ZNF69: variants seen among roughly 807,000 people sequenced by gnomAD.
The protein encoded by ZNF69 is zinc finger protein 69.
In ZNF69, 47 loss-of-function variants were observed where a neutral mutation model predicts 50.9. The observed-to-expected ratio is 0.92, with a 90% CI of 0.73 to 1.18. The LOEUF (loss-of-function observed/expected upper bound fraction) is 1.18, where lower values mean the gene tolerates loss of function less well. Among genes scored for constraint, ZNF69 ranks in the 50% most tolerant of loss-of-function variants. The pLI, the probability that ZNF69 is intolerant of heterozygous loss-of-function variation, is 0.00. For missense variants in ZNF69, 717 were observed against 675.1 expected, an observed-to-expected ratio of 1.06 and a Z score of -0.69; for synonymous variants, 216 against 223.1, an observed-to-expected ratio of 0.97 and a Z score of 0.29.
At chr19:11,948,321 T>C in the ZNF69 span, 1 of 1,613,802 alleles carries the variant, frequency 6.2e-7, no homozygotes, top group Non-Finnish European at 8.5e-7. Context: ...AAGACAGTCA[T>C]TGTGGAGAAA....
At chr19:11,979,542 A>T in the ZNF69 span, 4 of 1,603,606 alleles carry the variant, frequency 2.5e-6, no homozygotes, top group Non-Finnish European at 3.4e-6. Flanking sequence ...GAGAAACCCT[A>T]TGAATGCAAG....
At chr19:11,965,245 G>C in the ZNF69 span, 103,711 of 1,613,488 alleles carry the variant, frequency 0.064, 6,003 homozygotes, top group African/African-American at 0.32. Flanking sequence ...CCGAGACGGG[G>C]TAGAGGCTGC....
the ZNF69 span, among the ~76,000 whole-genome samples, chr19:11,975,098 T>C: frequency 3.3e-3 from 485 of 147,204 alleles, no homozygotes; most frequent in Non-Finnish European, 5.8e-3. Context: ...TGTTATTTTC[T>C]TTTTTTTTTT....
the ZNF69 span, among the ~76,000 whole-genome samples, chr19:11,923,751 A>G: frequency 6.6e-6 from 1 of 152,302 alleles, no homozygotes; most frequent in African/African-American, 2.4e-5. Flanking sequence ...TTATTTACAC[A>G]ATGGGATTGA....
At chr19:11,947,165 A>C in the ZNF69 span, 1 of 1,612,668 alleles carries the variant, frequency 6.2e-7, no homozygotes, top group African/African-American at 1.3e-5. Context: ...TCCTCTACAC[A>C]TGTGAGATGT....
chr19:11,914,745 T>TTG (rs1202082969), downstream of ZNF69, among the ~76,000 whole-genome samples: 1 of 152,192 alleles, frequency 6.6e-6, no homozygotes, highest in African/African-American at 2.4e-5. Flanking sequence ...TAAAACTCCC[T>TTG]AAGATCAAAA....
chr19:11,922,404 G>C, the ZNF69 span, among the ~76,000 whole-genome samples: 1 of 152,164 alleles, frequency 6.6e-6, no homozygotes, highest in Admixed American at 6.5e-5. Context: ...TGAATCGTCT[G>C]AGCCAGTGCG....
At chr19:11,959,177 G>A in the ZNF69 span, among the ~76,000 whole-genome samples, 12 of 152,182 alleles carry the variant, frequency 7.9e-5, no homozygotes, top group African/African-American at 2.9e-4. Flanking sequence ...ATGAGCCATT[G>A]CACCTGGCCA....
rs1972320028 is a variant in ZNF69, at chr19:11,904,581, G to A, written c.252-68G>A. 1.2e-5 allele frequency: 18 copies of A among 1,563,410 alleles called. 1 individual carries two copies. In the South Asian group the frequency reaches 1.6e-4, roughly 14 times the overall value. On this transcript the variant is annotated intron_variant, in intron 3 of 3. Coordinates refer to ENST00000429654, the MANE Select transcript of ZNF69 (RefSeq NM_001364730.1). The stretch of plus-strand genomic sequence containing the variant: ...GGACAGTGTTAAAAATGCAAGTTCA[G>A]TACTTGTTGATTAATATAAAATTAC...
At chr19:11,910,675 GA>G (rs1427465411), downstream of ZNF69, among the ~76,000 whole-genome samples, 1 of 152,162 alleles carries the variant, frequency 6.6e-6, no homozygotes, top group Non-Finnish European at 1.5e-5. Context: ...TTAAATTCCA[GA>G]TGGATTAAAG....
chr19:11,974,555 A>G, the ZNF69 span, among the ~76,000 whole-genome samples: 1 of 146,418 alleles, frequency 6.8e-6, no homozygotes, highest in East Asian at 2.0e-4. Context: ...TGTTTGTTTG[A>G]CATAATTACA....
the ZNF69 span, chr19:11,978,754 C>T: frequency 6.2e-7 from 1 of 1,613,956 alleles, no homozygotes; most frequent in Non-Finnish European, 8.5e-7. Flanking sequence ...CATAAAAGAA[C>T]CCACACTGGG....
chr19:11,942,788 G>A, the ZNF69 span, among the ~76,000 whole-genome samples: 25 of 152,168 alleles, frequency 1.6e-4, no homozygotes, highest in African/African-American at 5.1e-4. Context: ...TTAACTACCA[G>A]GCCTGGGGTG....
intron 1 of ZNF69, among the ~76,000 whole-genome samples, chr19:11,893,291 A>T (rs1244771535): frequency 6.6e-6 from 1 of 152,202 alleles, no homozygotes; most frequent in African/African-American, 2.4e-5. Flanking sequence ...CGGACACTGC[A>T]TACAGTTCGG....
the ZNF69 span, among the ~76,000 whole-genome samples, chr19:11,933,966 A>G: frequency 6.8e-6 from 1 of 147,644 alleles, no homozygotes; most frequent in African/African-American, 2.7e-5. Flanking sequence ...GTGAGCCATC[A>G]TGTCCGGCCA....
rs1972373756 is a variant in ZNF69 at position 11,906,332 on chromosome 19, C to T, written c.*234C>T. ...GACAGCTTTGAAGAGAGTAGCAGTCCTCCCAGCATGGAGTTTGAGATCTAA... is the reference window on the plus strand; with the variant it reads ...GACAGCTTTGAAGAGAGTAGCAGTCTTCCCAGCATGGAGTTTGAGATCTAA... On this transcript the variant is annotated 3_prime_UTR_variant, in exon 4 of 4. Transcript: ENST00000429654. 2 of 1,182,712 alleles carry T rather than the reference C, an allele frequency of 1.7e-6. No homozygotes were observed. Among genetic ancestry groups the T allele is most frequent in the Non-Finnish European group, 2.2e-6 (2 of 918,816 alleles). The allele number at this position is 1,182,712 out of a possible 1,614,324, so 73.3% of individuals were successfully genotyped here.
chr19:11,925,261 A>C, the ZNF69 span: 1 of 1,612,492 alleles, frequency 6.2e-7, no homozygotes, highest in Non-Finnish European at 8.5e-7. Flanking sequence ...GTACATCTGA[A>C]AGCCGGGAAA....
the ZNF69 span, among the ~76,000 whole-genome samples, chr19:11,963,088 A>AGAGAGAGAGTGTGTGTGTGTGT: frequency 7.2e-6 from 1 of 138,248 alleles, no homozygotes; most frequent in African/African-American, 3.0e-5. Flanking sequence ...AGAGAGAGAG[A>AGAGAGAGAGTGTGTGTGTGTGT]GTGTGTGTGT....
At chr19:11,943,251 G>C in the ZNF69 span, among the ~76,000 whole-genome samples, 1 of 152,146 alleles carries the variant, frequency 6.6e-6, no homozygotes, top group Non-Finnish European at 1.5e-5. Flanking sequence ...CTATGTTTTT[G>C]ACTACTTGCC....
Sources: gnomAD v4.1 joint callset for allele counts (sites outside exome capture counted in the v4.1 genomes callset) on GRCh38, gnomAD v4.1.1 for gene constraint, MANE v1.5 for transcripts, NCBI Gene and HGNC (gene_info 2026-07-23, HGNC 2026-07-21) for gene names.